Variants in NT5DC4 observed in about 807,000 individuals in gnomAD.
NT5DC4 encodes 5'-nucleotidase domain containing 4, also known as 5'-nucleotidase domain-containing protein 4.
Under a neutral mutation model 26.6 loss-of-function variants are expected in NT5DC4, and 44 were observed. That is an observed-to-expected ratio of 1.65 (90% confidence interval 1.30 to 2.13). The LOEUF (loss-of-function observed/expected upper bound fraction) is 2.13. Ranked by LOEUF, NT5DC4 falls within the 30% of genes most tolerant of loss-of-function variation. The pLI is 0.00. For synonymous variants in NT5DC4, 157 were observed against 86.7 expected (o/e 1.81, Z -4.51); for missense variants, 399 against 228.1 (o/e 1.75, Z -4.83).
chr2:112,722,612 G>A (rs758807676), intron 5 of NT5DC4, 23 bp downstream of exon 5: 6 of 717,330 alleles, frequency 8.4e-6, no homozygotes, highest in African/African-American at 7.0e-5. Context: ...TTGGGGGCAC[G>A]GGAGGTGGTC....
chr2:112,740,970 T>C, downstream of NT5DC4: 1 of 1,613,816 alleles, frequency 6.2e-7, no homozygotes. Flanking sequence ...CCACTGATGT[T>C]ATACTAGTTT....
chr2:112,736,377 A>G (rs1208293728), intron 16 of NT5DC4, among the ~76,000 whole-genome samples: 1 of 152,194 alleles, frequency 6.6e-6, no homozygotes, highest in Non-Finnish European at 1.5e-5. Context: ...TTTATTAGGT[A>G]TATTTAAGAT....
At chr2:112,732,823 C>A (rs1212264020) in intron 16 of NT5DC4, among the ~76,000 whole-genome samples, 2 of 152,200 alleles carry the variant, frequency 1.3e-5, no homozygotes, top group African/African-American at 4.8e-5. Flanking sequence ...CCTCCGCTCT[C>A]CCCTCAGCGA....
chr2:112,736,335 C>T (rs1009052708), intron 16 of NT5DC4, among the ~76,000 whole-genome samples: 1 of 147,822 alleles, frequency 6.8e-6, no homozygotes, highest in Non-Finnish European at 1.5e-5. Flanking sequence ...GTAAAGTTAA[C>T]TCTAATTCTT....
In NT5DC4 at chr2:112,725,033, C is replaced by T. The variant is rs116724373; in HGVS notation, c.915+127C>T. 2,612 of 650,116 alleles carry T rather than the reference C, an allele frequency of 4.0e-3. 51 individuals carry two copies. The African/African-American group carries it at 0.04, about 10-fold the overall frequency. 40.3% of individuals were successfully genotyped at this position (650,116 alleles called of 1,614,324 possible). A position where few individuals can be genotyped will look rare whatever the true frequency, so the allele number is the denominator to read the frequency against. Reference sequence around the variant, plus strand: ...TCCCTGGAGGCAGGGAACCCGAGGCCGCCTTCAGCGCCCTCTGCTGCCTCC... The same window carrying T: ...TCCCTGGAGGCAGGGAACCCGAGGCTGCCTTCAGCGCCCTCTGCTGCCTCC... On this transcript the variant is annotated intron_variant, in intron 11 of 16. Transcript: ENST00000688554.
intron 4 of NT5DC4, 78 bp from the exon 5 acceptor site, chr2:112,722,405 C>A: frequency 1.4e-6 from 1 of 713,704 alleles, no homozygotes; most frequent in Non-Finnish European, 2.6e-6. Flanking sequence ...AGAAGGGATG[C>A]GTGGTGGTTG....
chr2:112,731,422 T>C (rs547508620), intron 16 of NT5DC4: 3 of 152,250 alleles, frequency 2.0e-5, no homozygotes, highest in East Asian at 3.9e-4. Context: ...ACATTTCTTT[T>C]AAAAAATAGT....
intron 13 of NT5DC4, 93 bp downstream of exon 13, chr2:112,725,645 G>A (rs1435136928): frequency 1.7e-6 from 1 of 582,724 alleles, no homozygotes; most frequent in Non-Finnish European, 3.1e-6. Flanking sequence ...TGGGGGGTTA[G>A]TAGTTGTGAC....
At chr2:112,735,678 G>A (rs1022750466) in intron 16 of NT5DC4, among the ~76,000 whole-genome samples, 1 of 151,982 alleles carries the variant, frequency 6.6e-6, no homozygotes, top group Non-Finnish European at 1.5e-5. Context: ...CTATGTCTAG[G>A]AGCAGCTATT....
chr2:112,724,928 G>C, intron 11 of NT5DC4, 22 bp downstream of exon 11: 2 of 715,984 alleles, frequency 2.8e-6, no homozygotes, highest in Non-Finnish European at 5.2e-6. Flanking sequence ...TGCACCCATG[G>C]ACCACGGTTG....
chr2:112,721,430 A>G (rs188069995), intron 1 of NT5DC4: 280 of 716,332 alleles, frequency 3.9e-4, no homozygotes, highest in Non-Finnish European at 5.6e-4. Flanking sequence ...TCCAATTGTG[A>G]CAAACACATC....
rs115148642 is a variant in NT5DC4, at chr2:112,727,475, C to T, written c.1266+737C>T. On this transcript the variant is annotated intron_variant, in intron 15 of 16. Transcript: ENST00000688554. ...ATAGTAGGAGCGAGGCTGGGGGTGT[C>T]GCCTTGCCAAGTCCTCTGTTGGACT... 6.6e-3 allele frequency among the ~76,000 whole-genome samples: 1,007 copies of T among 152,184 alleles called. 13 individuals are homozygous for T. The highest frequency in any genetic ancestry group is 0.022 in the African/African-American group (910 of 41,526).
At chr2:112,721,948 TG>T (rs1558720097) in intron 2 of NT5DC4, 37 bp from the exon 3 acceptor site, 2 of 717,318 alleles carry the variant, frequency 2.8e-6, no homozygotes, top group Non-Finnish European at 5.2e-6. Context: ...GGTGGGCAGC[TG>T]GGCACCAAAG....
intron 16 of NT5DC4, among the ~76,000 whole-genome samples, chr2:112,735,038 ATTTTTTTT>A (rs70965024): frequency 5.7e-4 from 54 of 94,490 alleles, no homozygotes; most frequent in African/African-American, 2.2e-3. Flanking sequence ...AGGCAAGAAC[ATTTTTTTT>A]TTTTTTTTTT....
At chr2:112,724,328 C>G in intron 10 of NT5DC4, 2 of 611,318 alleles carry the variant, frequency 3.3e-6, no homozygotes, top group Non-Finnish European at 5.9e-6. Flanking sequence ...CTGGGAGGAG[C>G]CTTTGGGGGT....
At position 112,725,429 on chromosome 2, in the gene NT5DC4, A is replaced by G; in HGVS notation, c.1030A>G (p.Ile344Val). Residue 344 changes from isoleucine to valine, a missense_variant, in exon 13 of 17, where the codon ATC (isoleucine) becomes GTC (valine). Transcript: ENST00000688554. ...GCTGCTTGGGGTTCGGGGGATGGACATCCTGTACATTGGGGACCACATTTT... is the reference window on the plus strand; with the variant it reads ...GCTGCTTGGGGTTCGGGGGATGGACGTCCTGTACATTGGGGACCACATTTT... The part of the protein sequence containing the change: ...CELLGVRGMD[I>V]LYIGDHIFGD... 1.4e-6 allele frequency: 1 copy of G among 716,838 alleles called. No individual in the cohort carries two copies. The highest frequency in any genetic ancestry group is 1.5e-5 in the South Asian group (1 of 67,574). The allele number at this position is 716,838 out of a possible 1,614,324, so 44.4% of individuals were successfully genotyped here. A position where few individuals can be genotyped will look rare whatever the true frequency, so the allele number is the denominator to read the frequency against.
intron 16 of NT5DC4, among the ~76,000 whole-genome samples, chr2:112,735,192 T>A (rs1335263458): frequency 6.6e-6 from 1 of 151,452 alleles, no homozygotes; most frequent in Non-Finnish European, 1.5e-5. Context: ...TACAGGTGCG[T>A]ACCCCCACGC....
intron 7 of NT5DC4, 56 bp downstream of exon 7, chr2:112,723,230 G>A (rs1042645071): frequency 2.6e-4 from 188 of 716,646 alleles, no homozygotes; most frequent in Non-Finnish European, 1.1e-4. Context: ...TTGGTTCCCC[G>A]GGCAGCCTTC....
rs1677741437 is a variant in NT5DC4 at position 112,726,535 on chromosome 2, C to CGCAT, written c.1206-139_1206-136dup. Reference sequence around the variant, plus strand: ...CAGCACTCAGGGACCTGCCCTCGCACGCATGCACACACCCAGCCCGGCACC... The same window carrying CGCAT: ...CAGCACTCAGGGACCTGCCCTCGCACGCATGCATGCACACACCCAGCCCGGCACC... On this transcript the variant is annotated intron_variant, in intron 14 of 16. Transcript: ENST00000688554. 1.0e-5 allele frequency: 7 copies of CGCAT among 683,416 alleles called. No individual in the cohort carries two copies. In the South Asian group the frequency reaches 1.1e-4, roughly 11 times the overall value. 42.3% of individuals were successfully genotyped at this position (683,416 alleles called of 1,614,324 possible).
Sources: allele counts gnomAD v4.1 joint callset (sites outside exome capture counted in the v4.1 genomes callset), GRCh38; gene constraint gnomAD v4.1.1; transcripts MANE v1.5; gene names NCBI Gene and HGNC (gene_info 2026-07-23, HGNC 2026-07-21).